ATP6V1A: variants seen among roughly 807,000 people sequenced by gnomAD.
The protein encoded by ATP6V1A is V-type proton ATPase catalytic subunit A.
ATP6V1A carries 18 observed loss-of-function variants against 70.1 expected under a neutral mutation model. The ratio of observed to expected loss-of-function variants is 0.26; its 90% CI spans 0.18 to 0.38. The LOEUF (loss-of-function observed/expected upper bound fraction) is 0.38, where lower values mean the gene tolerates loss of function less well. Ranked by LOEUF, ATP6V1A falls within the 10% of genes least tolerant of loss-of-function variation. The probability of loss-of-function intolerance (pLI) is 1.00; values close to 1 mark genes in which losing one functional copy is unlikely to be tolerated. For synonymous variants in ATP6V1A, 232 were observed against 253.8 expected (o/e 0.91, Z 0.82); for missense variants, 424 against 772.4 (o/e 0.55, Z 5.35).
At chr3:113,763,179 G>A (rs1042457278) in intron 1 of ATP6V1A, among the ~76,000 whole-genome samples, 19 of 152,100 alleles carry the variant, frequency 1.2e-4, no homozygotes, top group African/African-American at 4.6e-4. Context: ...TGCAGCCTCC[G>A]CTTCCTGGGT....
intron 8 of ATP6V1A, among the ~76,000 whole-genome samples, chr3:113,791,975 A>G (rs946050343): frequency 2.0e-5 from 3 of 150,228 alleles, no homozygotes; most frequent in African/African-American, 7.3e-5. Flanking sequence ...GCATTTTTCC[A>G]TACCCTTATT....
chr3:113,764,408 A>G (rs1399893141), intron 1 of ATP6V1A, among the ~76,000 whole-genome samples: 1 of 152,198 alleles, frequency 6.6e-6, no homozygotes, highest in African/African-American at 2.4e-5. Flanking sequence ...AGAAAAATTG[A>G]AGTAAAATAA....
chr3:113,777,357 A>G (rs1379483741), intron 1 of ATP6V1A, among the ~76,000 whole-genome samples: 1 of 152,262 alleles, frequency 6.6e-6, no homozygotes, highest in Non-Finnish European at 1.5e-5. Flanking sequence ...ATCATTTGTT[A>G]CATTGTGAAA....
intron 8 of ATP6V1A, among the ~76,000 whole-genome samples, chr3:113,790,329 T>G (rs1709078063): frequency 6.6e-6 from 1 of 151,196 alleles, no homozygotes; most frequent in Admixed American, 6.6e-5. Context: ...AAAAAAAAAT[T>G]TACTTACTAT....
Position 113,810,081 on chromosome 3 carries a change from T to G in ATP6V1A, c.*654T>G, listed in dbSNP as rs1053036075. On this transcript the variant is annotated 3_prime_UTR_variant, in exon 15 of 15. Coordinates refer to ENST00000273398, the MANE Select transcript of ATP6V1A (RefSeq NM_001690.4). ...TTTGGGGACGGAGTGTCCCTCTTGT[T>G]GCCCAGGCTGGAGTGCAATGGCGTG... The G allele has an allele frequency of 6.6e-6, 1 of 151,894 alleles. No individual in the cohort carries two copies. The highest frequency in any genetic ancestry group is 2.4e-5 in the African/African-American group (1 of 41,342). The allele number at this position is 151,894 out of a possible 1,614,324, so 9.4% of individuals were successfully genotyped here.
intron 14 of ATP6V1A, 102 bp from the exon 15 acceptor site, chr3:113,809,233 T>C: frequency 2.2e-6 from 2 of 907,286 alleles, no homozygotes; most frequent in Non-Finnish European, 3.3e-6. Flanking sequence ...CCAGCCTGGG[T>C]GACAGAGCAA....
Position 113,798,245 on chromosome 3 carries a change from G to A in ATP6V1A, c.1293G>A (p.Val431=), listed in dbSNP as rs1202030395. Residue 431 remains valine (V), a splice_region_variant and synonymous_variant, in exon 12 of 15, where the codon GTG becomes GTA. Coordinates refer to ENST00000273398, the MANE Select transcript of ATP6V1A (RefSeq NM_001690.4). ...GTGTGTGTGTTTTTTTTAATCAGGT[G>A]TTCTGGGGCTTAGATAAGAAACTAG... The part of the protein sequence containing the change: ...VTSATLGIVQ[V]FWGLDKKLAQ... 1 of 1,613,404 alleles carries A rather than the reference G, an allele frequency of 6.2e-7. No individual in the cohort carries two copies. The highest frequency in any genetic ancestry group is 8.5e-7 in the Non-Finnish European group (1 of 1,179,884).
intron 1 of ATP6V1A, among the ~76,000 whole-genome samples, chr3:113,752,353 A>C (rs1438827039): frequency 1.3e-5 from 2 of 151,892 alleles, no homozygotes; most frequent in African/African-American, 4.8e-5. Flanking sequence ...GCATATGTAT[A>C]ATAATAATAG....
chr3:113,778,669 G>T (rs1708944331), intron 1 of ATP6V1A, 72 bp from the exon 2 acceptor site: 2 of 736,974 alleles, frequency 2.7e-6, no homozygotes, highest in Non-Finnish European at 4.1e-6. Flanking sequence ...CATCTTAGTG[G>T]ACTACCTATA....
intron 13 of ATP6V1A, 91 bp downstream of exon 13, chr3:113,803,768 T>A: frequency 1.1e-6 from 1 of 872,754 alleles, no homozygotes; most frequent in South Asian, 1.6e-5. Flanking sequence ...TTTATTCTCA[T>A]ACAGGCTCAT....
At chr3:113,776,639 T>C (rs1708914905) in intron 1 of ATP6V1A, among the ~76,000 whole-genome samples, 1 of 152,220 alleles carries the variant, frequency 6.6e-6, no homozygotes, top group Non-Finnish European at 1.5e-5. Context: ...CCTACTTTAA[T>C]TCTGTTAAAG....
chr3:113,759,852 C>A (rs1253175720), intron 1 of ATP6V1A, among the ~76,000 whole-genome samples: 2 of 152,180 alleles, frequency 1.3e-5, no homozygotes, highest in Non-Finnish European at 2.9e-5. Context: ...TAATTGCCTA[C>A]TATGTGCCAA....
Position 113,778,808 on chromosome 3 carries a change from G to A in ATP6V1A, c.55G>A (p.Gly19Ser). 6.3e-7 allele frequency: 1 copy of A among 1,591,094 alleles called. No individual in the cohort carries two copies. The highest frequency in any genetic ancestry group is 8.6e-7 in the Non-Finnish European group (1 of 1,169,268). Residue 19 changes from glycine to serine, a missense_variant, in exon 2 of 15, where the codon GGT (glycine) becomes AGT (serine). By Grantham distance (56) the Gly-to-Ser change is moderately conservative (BLOSUM62 0). Coordinates refer to ENST00000273398, the MANE Select transcript of ATP6V1A (RefSeq NM_001690.4). Reference protein sequence around the residue: ...ILDEDKESTFGYVHGVSGPVV... With the variant: ...ILDEDKESTFSYVHGVSGPVV... ...CGATGAAGATAAAGAAAGCACATTT[G>A]GTTATGTGCATGGGGTCTCAGGACC... is the stretch of plus-strand genomic sequence containing the variant.
At chr3:113,749,055 G>C (rs1708556028) in intron 1 of ATP6V1A, among the ~76,000 whole-genome samples, 1 of 152,134 alleles carries the variant, frequency 6.6e-6, no homozygotes, top group Non-Finnish European at 1.5e-5. Context: ...GAGAAAACCA[G>C]CTAGAAGCAT....
intron 1 of ATP6V1A, among the ~76,000 whole-genome samples, chr3:113,769,883 G>T (rs147083374): frequency 0.012 from 1,799 of 152,200 alleles, 29 homozygotes; most frequent in African/African-American, 0.04. Flanking sequence ...TTAGTTGTAA[G>T]TTGCATTTAC....
At chr3:113,784,923 G>T in intron 5 of ATP6V1A, 90 bp downstream of exon 5, 1 of 1,315,838 alleles carries the variant, frequency 7.6e-7, no homozygotes. Flanking sequence ...TTAAAGAATT[G>T]ATATTTAATA....
intron 1 of ATP6V1A, among the ~76,000 whole-genome samples, chr3:113,761,262 A>G (rs572813536): frequency 2.4e-4 from 37 of 152,090 alleles, no homozygotes; most frequent in African/African-American, 7.7e-4. Context: ...TATAAGTGTA[A>G]TAGCATTTTT....
At chr3:113,768,548 A>G (rs369989784) in intron 1 of ATP6V1A, among the ~76,000 whole-genome samples, 2 of 148,818 alleles carry the variant, frequency 1.3e-5, no homozygotes, top group Admixed American at 6.7e-5. Context: ...TCCCAGGCAG[A>G]TGACCAAATC....
intron 1 of ATP6V1A, among the ~76,000 whole-genome samples, chr3:113,754,347 A>AC (rs1286566775): frequency 4.0e-5 from 6 of 151,662 alleles, no homozygotes; most frequent in Non-Finnish European, 7.4e-5. Context: ...ACATGGCAAG[A>AC]CCCCCCTCTA....
Sources: gnomAD v4.1 joint callset for allele counts (sites outside exome capture counted in the v4.1 genomes callset) on GRCh38, gnomAD v4.1.1 for gene constraint, MANE v1.5 for transcripts, NCBI Gene and HGNC (gene_info 2026-07-23, HGNC 2026-07-21) for gene names.